The following ROBO2 variants were observed in gnomAD, a reference collection of about 807,000 sequenced individuals.
ROBO2 encodes the protein roundabout guidance receptor 2.
A neutral mutation model predicts 160.8 loss-of-function variants in ROBO2; 53 were observed. The ratio of observed to expected loss-of-function variants is 0.33; its 90% CI spans 0.26 to 0.41. ROBO2 has a LOEUF of 0.41. ROBO2 is among the 10% of genes least tolerant of loss of function. The probability of loss-of-function intolerance (pLI) is 1.00; values close to 1 mark genes in which losing one functional copy is unlikely to be tolerated. For missense variants in ROBO2, 1,577 were observed against 1,722.4 expected (o/e 0.92, Z 1.49); for synonymous variants, 664 against 611.7 (o/e 1.09, Z -1.26).
chr3:76,953,559 A>C (rs570106148), intron 2 of ROBO2, among the ~76,000 whole-genome samples: 8 of 152,346 alleles, frequency 5.3e-5, no homozygotes, highest in Admixed American at 4.6e-4. Context: ...GTAATTCAGC[A>C]TACTTCCAAC....
intron 1 of ROBO2, among the ~76,000 whole-genome samples, chr3:77,056,277 A>C (rs958396661): frequency 6.6e-6 from 1 of 152,158 alleles, no homozygotes; most frequent in Non-Finnish European, 1.5e-5. Context: ...TTGTGTAAAA[A>C]CTTGTCCCCC....
chr3:77,040,706 T>G, exon 1 of ROBO2: 1 of 1,609,114 alleles, frequency 6.2e-7, no homozygotes, highest in Non-Finnish European at 8.5e-7. Flanking sequence ...GACCTACCTC[T>G]TTTTTTGATA....
chr3:76,268,722 A>C (rs2107618529), intron 2 of ROBO2, among the ~76,000 whole-genome samples: 1 of 152,300 alleles, frequency 6.6e-6, no homozygotes, highest in Non-Finnish European at 1.5e-5. Flanking sequence ...ATAATAAAAG[A>C]TAATATTATT....
At chr3:75,962,597 G>A (rs757055480) in intron 2 of ROBO2, among the ~76,000 whole-genome samples, 27 of 151,662 alleles carry the variant, frequency 1.8e-4, no homozygotes, top group South Asian at 4.1e-4. Context: ...CTGGGCTGGC[G>A]TCAACACTAA....
chr3:75,917,062 G>A (rs1946844342), intron 1 of ROBO2, among the ~76,000 whole-genome samples: 1 of 151,994 alleles, frequency 6.6e-6, no homozygotes, highest in Admixed American at 6.6e-5. Context: ...GGATACATGT[G>A]CTGAACATGC....
chr3:77,216,278 G>A (rs1013986948), intron 2 of ROBO2, among the ~76,000 whole-genome samples: 2 of 152,120 alleles, frequency 1.3e-5, no homozygotes, highest in Non-Finnish European at 2.9e-5. Context: ...GGCAATGGCG[G>A]GCGCCCCTCC....
intron 1 of ROBO2, among the ~76,000 whole-genome samples, chr3:75,925,489 A>G (rs978110195): frequency 1.3e-5 from 2 of 152,144 alleles, no homozygotes; most frequent in Non-Finnish European, 2.9e-5. Context: ...GGGATGGTGC[A>G]TGGAAGGTTG....
intron 2 of ROBO2, among the ~76,000 whole-genome samples, chr3:76,527,055 ATG>A (rs550616221): frequency 6.6e-6 from 1 of 151,900 alleles, no homozygotes. Flanking sequence ...TTTCAGCTGT[ATG>A]TGTGTGTGTG....
At chr3:77,521,921 T>C (rs965509212) in intron 5 of ROBO2, among the ~76,000 whole-genome samples, 1 of 151,198 alleles carries the variant, frequency 6.6e-6, no homozygotes, top group African/African-American at 2.4e-5. Context: ...GTGGTATGTA[T>C]GAGGAAGAGA....
chr3:76,382,464 G>A (rs2076681395), intron 2 of ROBO2, among the ~76,000 whole-genome samples: 1 of 152,142 alleles, frequency 6.6e-6, no homozygotes, highest in South Asian at 2.1e-4. Flanking sequence ...GGCGGCGCCT[G>A]TAGTCCCAGC....
At chr3:76,456,645 T>C (rs1340577285) in intron 2 of ROBO2, among the ~76,000 whole-genome samples, 2 of 152,144 alleles carry the variant, frequency 1.3e-5, no homozygotes, top group East Asian at 3.9e-4. Flanking sequence ...ACATACAGCT[T>C]TTTAAAGTTT....
At chr3:77,124,599 C>T (rs2075135722) in intron 2 of ROBO2, among the ~76,000 whole-genome samples, 1 of 152,048 alleles carries the variant, frequency 6.6e-6, no homozygotes, top group Non-Finnish European at 1.5e-5. Context: ...GAGTGGGTTA[C>T]TGTGCAAAAT....
At chr3:76,201,889 C>CAAAA (rs3039047) in intron 2 of ROBO2, among the ~76,000 whole-genome samples, 1 of 105,582 alleles carries the variant, frequency 9.5e-6, no homozygotes, top group African/African-American at 3.7e-5. Flanking sequence ...CGAGAAATGT[C>CAAAA]AAAAAAAAAA....
At chr3:76,550,564 G>A (rs1008696351) in intron 2 of ROBO2, among the ~76,000 whole-genome samples, 3 of 152,178 alleles carry the variant, frequency 2.0e-5, no homozygotes, top group African/African-American at 4.8e-5. Context: ...CAAGTTGGTG[G>A]GGTAGAAGCC....
chr3:76,110,964 G>A lies in ROBO2; in HGVS notation c.109+173362G>A, dbSNP rs192836907. Among the ~76,000 whole-genome samples, 82 of 152,106 alleles carry A rather than the reference G, an allele frequency of 5.4e-4. 2 individuals are homozygous for A. Among genetic ancestry groups the A allele is most frequent in the Middle Eastern group, 6.8e-3 (2 of 294 alleles). ...CCTCTGAAAACTATCACTAAAGAAG[G>A]AGACTGTTGATTTTTTCAAAATTTT... On this transcript the variant is annotated intron_variant, in intron 2 of 26. Coordinates refer to the ROBO2 transcript ENST00000487694.
chr3:77,263,661 C>T (rs1197207372), intron 2 of ROBO2, among the ~76,000 whole-genome samples: 1 of 152,126 alleles, frequency 6.6e-6, no homozygotes, highest in Non-Finnish European at 1.5e-5. Context: ...CACTGATGGG[C>T]ATTTATGTGG....
chr3:76,086,246 C>A (rs892756072), intron 2 of ROBO2, among the ~76,000 whole-genome samples: 1 of 152,172 alleles, frequency 6.6e-6, no homozygotes, highest in East Asian at 1.9e-4. Flanking sequence ...GAAAGCGAAG[C>A]GGAGGAAAAG....
At chr3:77,476,737 C>T (rs903106059) in intron 2 of ROBO2, among the ~76,000 whole-genome samples, 8 of 152,058 alleles carry the variant, frequency 5.3e-5, no homozygotes, top group South Asian at 4.2e-4. Flanking sequence ...TGCTGTTCTC[C>T]TTAATGAAAG....
intron 2 of ROBO2, among the ~76,000 whole-genome samples, chr3:76,496,242 TG>T (rs1407803154): frequency 1.3e-5 from 2 of 152,264 alleles, no homozygotes; most frequent in Non-Finnish European, 2.9e-5. Context: ...AAGTTTCATT[TG>T]TAATTCTTAA....
Sources: gnomAD v4.1 joint callset for allele counts (sites outside exome capture counted in the v4.1 genomes callset) on GRCh38, gnomAD v4.1.1 for gene constraint, MANE v1.5 for transcripts, NCBI Gene and HGNC (gene_info 2026-07-23, HGNC 2026-07-21) for gene names.